The following CREB5 variants were observed in gnomAD, a reference collection of about 807,000 sequenced individuals.
CREB5 encodes the protein cAMP responsive element binding protein 5, also known as cyclic AMP-responsive element-binding protein 5.
CREB5 carries 19 observed loss-of-function variants against 57.1 expected under a neutral mutation model. The observed-to-expected ratio is 0.33, with a 90% CI of 0.23 to 0.49. The LOEUF (loss-of-function observed/expected upper bound fraction) is 0.49, where lower values mean the gene tolerates loss of function less well. CREB5 is among the 20% of genes least tolerant of loss of function. The pLI is 0.99. For missense variants in CREB5, 579 were observed against 671.6 expected (o/e 0.86, Z 1.52); for synonymous variants, 238 against 238.3 (o/e 1.00, Z 0.01).
chr7:28,342,609 A>G (rs1159772137), intron 1 of CREB5, among the ~76,000 whole-genome samples: 2 of 152,254 alleles, frequency 1.3e-5, no homozygotes, highest in Non-Finnish European at 2.9e-5. Context: ...ACTTCTATAC[A>G]GTAGTAATAC....
intron 4 of CREB5, among the ~76,000 whole-genome samples, chr7:28,534,765 T>A (rs1372132020): frequency 1.4e-5 from 2 of 141,966 alleles, no homozygotes; most frequent in African/African-American, 5.2e-5. Context: ...GAAATTAATT[T>A]TTGTAATCCT....
At chr7:28,515,597 T>C (rs1165881473) in intron 4 of CREB5, among the ~76,000 whole-genome samples, 1 of 152,164 alleles carries the variant, frequency 6.6e-6, no homozygotes, top group Admixed American at 6.6e-5. Flanking sequence ...CTGGTTCTGT[T>C]AGAGGCATGT....
At chr7:28,672,598 A>G (rs1444533210) in intron 5 of CREB5, among the ~76,000 whole-genome samples, 1 of 152,124 alleles carries the variant, frequency 6.6e-6, no homozygotes, top group Non-Finnish European at 1.5e-5. Context: ...TGGGCCTCAG[A>G]CCCAAGGCTG....
chr7:28,664,178 T>C (rs41334), intron 5 of CREB5, among the ~76,000 whole-genome samples: 32,216 of 152,060 alleles, frequency 0.21, 3,855 homozygotes, highest in East Asian at 0.5. Flanking sequence ...ACATCTCTCT[T>C]TCTGAGAGCT....
chr7:28,376,481 G>C (rs1786830939), intron 1 of CREB5, among the ~76,000 whole-genome samples: 1 of 152,038 alleles, frequency 6.6e-6, no homozygotes. Flanking sequence ...TGTTGGCCAG[G>C]CTGGTTTTAA....
chr7:28,608,543 C>A (rs1219272704), intron 5 of CREB5, among the ~76,000 whole-genome samples: 1 of 152,124 alleles, frequency 6.6e-6, no homozygotes, highest in Admixed American at 6.6e-5. Flanking sequence ...GTCCCAGTCT[C>A]CCTGCCTCCC....
chr7:28,825,509 AAAGT>A lies in CREB5; in HGVS notation c.*6235_*6238del, dbSNP rs1460015731. 6.5e-6 allele frequency: 1 copy of A among 152,784 alleles called. No individual in the cohort carries two copies. The highest frequency in any genetic ancestry group is 1.9e-4 in the East Asian group (1 of 5,188). The allele number at this position is 152,784 out of a possible 1,614,324, so 9.5% of individuals were successfully genotyped here. ...AAAAGAAAAAAGTTTAGCACTGTGT[AAAGT>A]AAGTGTTAACTGAGGAAGTCCCAAA... On this transcript the variant is annotated 3_prime_UTR_variant, in exon 11 of 11. Transcript: ENST00000357727.
chr7:28,758,125 A>G (rs779298009), intron 7 of CREB5, among the ~76,000 whole-genome samples: 1 of 152,146 alleles, frequency 6.6e-6, no homozygotes, highest in Admixed American at 6.5e-5. Flanking sequence ...AGCAGCCATC[A>G]TTGTCTCTGT....
chr7:28,409,868 T>C (rs755460366), upstream of CREB5: 1 of 454,278 alleles, frequency 2.2e-6, no homozygotes, highest in Non-Finnish European at 4.4e-6. This position sits in a 1 kb window ranked among gnomAD's most constrained non-coding sequence, Gnocchi z 4.4. Context: ...GGACCAGTTA[T>C]GAATCGGGGG....
intron 1 of CREB5, among the ~76,000 whole-genome samples, chr7:28,401,392 T>G (rs1308570031): frequency 6.6e-6 from 1 of 151,974 alleles, no homozygotes; most frequent in Non-Finnish European, 1.5e-5. Flanking sequence ...TGTTATTTTT[T>G]TTTTAATTAA....
intron 1 of CREB5, among the ~76,000 whole-genome samples, chr7:28,395,267 G>A (rs181340995): frequency 7.9e-5 from 12 of 152,242 alleles, no homozygotes; most frequent in Admixed American, 1.3e-4. Flanking sequence ...CATTCCAAAG[G>A]AGGATGTAGC....
chr7:28,531,838 G>A (rs113556424), intron 4 of CREB5, among the ~76,000 whole-genome samples: 11,497 of 152,094 alleles, frequency 0.076, 519 homozygotes, highest in African/African-American at 0.13. Flanking sequence ...AGACCATCCT[G>A]GCTAACATGG....
At chr7:28,709,287 C>G (rs778790071) in intron 5 of CREB5, among the ~76,000 whole-genome samples, 44 of 151,924 alleles carry the variant, frequency 2.9e-4, no homozygotes, top group Admixed American at 1.4e-3. Flanking sequence ...TTATAAAAAG[C>G]CTTTCACTCT....
At chr7:28,340,698 C>G (rs1785920077) in intron 1 of CREB5, among the ~76,000 whole-genome samples, 1 of 152,180 alleles carries the variant, frequency 6.6e-6, no homozygotes, top group African/African-American at 2.4e-5. Flanking sequence ...AGCACAGCAC[C>G]AGGACTTGCC....
chr7:28,794,118 T>C (rs1209020400), intron 7 of CREB5, among the ~76,000 whole-genome samples: 1 of 152,234 alleles, frequency 6.6e-6, no homozygotes, highest in Non-Finnish European at 1.5e-5. Context: ...ATATGTATTT[T>C]TCTAACATAT....
chr7:28,305,076 A>G (rs1372890246), intron 1 of CREB5, among the ~76,000 whole-genome samples: 1 of 152,078 alleles, frequency 6.6e-6, no homozygotes, highest in East Asian at 1.9e-4. Context: ...TTACAAAGCT[A>G]TGAGTTGCCA....
rs1809884958 is a variant in CREB5 at position 28,823,289 on chromosome 7, A to C, written c.*4010A>C. On this transcript the variant is annotated 3_prime_UTR_variant, in exon 11 of 11. Transcript: ENST00000357727. The stretch of plus-strand genomic sequence containing the variant: ...TATGTGTGTATACAGTGGAATTCAA[A>C]GGACCAAAGCAAAATTTGAACAGGA... 1.3e-5 allele frequency: 2 copies of C among 152,766 alleles called. No individual in the cohort carries two copies. The highest frequency in any genetic ancestry group is 4.1e-4 in the South Asian group (2 of 4,830). The allele number at this position is 152,766 out of a possible 1,614,324, so 9.5% of individuals were successfully genotyped here. A position where few individuals can be genotyped will look rare whatever the true frequency, so the allele number is the denominator to read the frequency against.
chr7:28,463,232 A>G (rs899631088), intron 1 of CREB5, among the ~76,000 whole-genome samples: 5 of 152,000 alleles, frequency 3.3e-5, no homozygotes, highest in African/African-American at 9.7e-5. Context: ...TTGAAAATCT[A>G]TTGATGATAA....
rs139929770 is a variant in CREB5 at position 28,541,052 on chromosome 7, G to A, written c.292-29313G>A. On this transcript the variant is annotated intron_variant, in intron 4 of 10. Transcript: ENST00000357727. ...ACTGTCAATACTAGTTGTGTCTATT[G>A]CTGTAACTCAATAACTTAATTAAAT... 5.1e-3 allele frequency among the ~76,000 whole-genome samples: 776 copies of A among 152,250 alleles called. 8 individuals are homozygous for A. Among genetic ancestry groups the A allele is most frequent in the African/African-American group, 0.017 (718 of 41,534 alleles).
Sources: gnomAD v4.1 joint callset for allele counts (sites outside exome capture counted in the v4.1 genomes callset) on GRCh38, gnomAD v4.1.1 for gene constraint, Gnocchi (gnomAD v3.1) non-coding constraint, MANE v1.5 for transcripts, NCBI Gene and HGNC (gene_info 2026-07-23, HGNC 2026-07-21) for gene names.